Variants in SLC35F3 observed in about 807,000 individuals in gnomAD.
The protein encoded by SLC35F3 is solute carrier family 35 member F3, also known as putative thiamine transporter SLC35F3.
Under a neutral mutation model 49.9 loss-of-function variants are expected in SLC35F3, and 25 were observed. The ratio of observed to expected loss-of-function variants is 0.50; its 90% CI spans 0.37 to 0.70. The LOEUF (loss-of-function observed/expected upper bound fraction) is 0.70, where lower values mean the gene tolerates loss of function less well. SLC35F3 is among the 30% of genes least tolerant of loss of function. The pLI, the probability that SLC35F3 is intolerant of heterozygous loss-of-function variation, is 0.00. For synonymous variants in SLC35F3, 275 were observed against 265.4 expected, an observed-to-expected ratio of 1.04 and a Z score of -0.35; for missense variants, 525 against 639.8, an observed-to-expected ratio of 0.82 and a Z score of 1.94.
rs144389713 is a variant in SLC35F3 at position 233,986,727 on chromosome 1, A to C, written c.283+80969A>C. Among the ~76,000 whole-genome samples the C allele has an allele frequency of 2.4e-3, 363 of 152,258 alleles. 1 individual carries two copies. Among genetic ancestry groups the C allele is most frequent in the African/African-American group, 8.3e-3 (345 of 41,560 alleles). On this transcript the variant is annotated intron_variant, in intron 2 of 7. Transcript: ENST00000366618. The stretch of plus-strand genomic sequence containing the variant: ...TAGCCCATACCCTTCAACAGATGAA[A>C]ATCTCCCCTTGATGGGTTCAACCAT...
chr1:234,092,719 T>C (rs1177578121), intron 2 of SLC35F3, among the ~76,000 whole-genome samples: 1 of 151,750 alleles, frequency 6.6e-6, no homozygotes, highest in Non-Finnish European at 1.5e-5. Flanking sequence ...ATTTAAAAAT[T>C]AGCTGGGCAT....
At chr1:233,911,455 C>T (rs1661871820) in intron 2 of SLC35F3, among the ~76,000 whole-genome samples, 1 of 152,120 alleles carries the variant, frequency 6.6e-6, no homozygotes, top group Non-Finnish European at 1.5e-5. Context: ...TAGAGCACAG[C>T]ATTTTTTATT....
Position 234,231,432 on chromosome 1 carries a change from G to T in SLC35F3, c.299G>T (p.Arg100Leu), listed in dbSNP as rs778779444. ...AASCKREERP[R>L]DSPGPAEAQA... ...TCTTCCCCAGGGGAGGAGCGCCCCC[G>T]GGACTCCCCGGGCCCGGCGGAGGCC... is the stretch of plus-strand genomic sequence containing the variant. The change falls in exon 3 of 8, where the codon CGG (arginine) becomes CTG (leucine). Residue 100 changes from arginine (R) to leucine (L), a missense_variant. By Grantham distance (102) the Arg-to-Leu change is moderately radical (BLOSUM62 -2). This residue lies in a region of SLC35F3 where 228 missense variants were observed against 218.9 expected (regional missense o/e 1.04). Transcript: ENST00000366618. This position sits in a 1 kb window ranked among gnomAD's most constrained non-coding sequence, Gnocchi z 5.4. The T allele has an allele frequency of 2.1e-5, 33 of 1,579,098 alleles. No individual in the cohort carries two copies. In the African/African-American group the frequency reaches 3.9e-4, roughly 19 times the overall value.
intron 3 of SLC35F3, among the ~76,000 whole-genome samples, chr1:234,275,741 T>G (rs1668196918): frequency 1.6e-5 from 2 of 126,164 alleles, no homozygotes; most frequent in African/African-American, 3.1e-5. Context: ...GAAACATCAT[T>G]GGTAAGTATT....
rs140325991 is a variant in SLC35F3 at position 234,169,853 on chromosome 1, C to T, written c.284-61564C>T. 5.9e-3 allele frequency among the ~76,000 whole-genome samples: 905 copies of T among 152,180 alleles called. 13 individuals carry two copies. Among genetic ancestry groups the T allele is most frequent in the African/African-American group, 0.021 (863 of 41,520 alleles). ...TGCGATCTCAGCTCACTGCAAGCTC[C>T]GCCTCCCGGGTTCACGCCATTCTCC... On this transcript the variant is annotated intron_variant, in intron 2 of 7. Transcript: ENST00000366618.
intron 2 of SLC35F3, among the ~76,000 whole-genome samples, chr1:233,939,942 CAAATTATATTA>C (rs1203254407): frequency 5.3e-5 from 8 of 152,128 alleles, no homozygotes; most frequent in African/African-American, 2.4e-5. Context: ...TTCTCCTTGT[CAAATTATATTA>C]AACTTAATAA....
intron 2 of SLC35F3, among the ~76,000 whole-genome samples, chr1:234,130,635 A>C (rs1665721104): frequency 8.1e-6 from 1 of 122,842 alleles, no homozygotes. Flanking sequence ...AGAGAGAGAG[A>C]CTCTGTCAAA....
At chr1:234,235,760 G>T (rs149515607) in intron 3 of SLC35F3, among the ~76,000 whole-genome samples, 4 of 152,302 alleles carry the variant, frequency 2.6e-5, no homozygotes, top group Non-Finnish European at 4.4e-5. Context: ...TTCTGCTTCA[G>T]ATATTCTGAG....
chr1:234,042,874 T>C (rs1435412068), intron 2 of SLC35F3, among the ~76,000 whole-genome samples: 1 of 152,222 alleles, frequency 6.6e-6, no homozygotes, highest in African/African-American at 2.4e-5. Flanking sequence ...CGAGCAGCCG[T>C]CTTCCGCCTT....
At chr1:233,922,486 CT>C (rs35271789) in intron 2 of SLC35F3, among the ~76,000 whole-genome samples, 45,785 of 112,254 alleles carry the variant, frequency 0.41, 7,876 homozygotes, top group Non-Finnish European at 0.49. Flanking sequence ...TTTTGATGGC[CT>C]TTTTTTTTTT....
chr1:234,016,938 T>C (rs1304560166), intron 2 of SLC35F3, among the ~76,000 whole-genome samples: 2 of 151,938 alleles, frequency 1.3e-5, no homozygotes, highest in South Asian at 2.1e-4. Flanking sequence ...GGCTCTGGAG[T>C]CTTCCTGGAT....
chr1:233,973,690 G>C (rs1432043589), intron 2 of SLC35F3, among the ~76,000 whole-genome samples: 3 of 152,186 alleles, frequency 2.0e-5, no homozygotes, highest in African/African-American at 7.2e-5. Context: ...GGGGAAGCAA[G>C]GCAGACACTT....
chr1:233,916,934 T>G (rs1661981629), intron 2 of SLC35F3, among the ~76,000 whole-genome samples: 1 of 145,178 alleles, frequency 6.9e-6, no homozygotes, highest in African/African-American at 2.5e-5. Context: ...TGAATGTAAA[T>G]TCATTTATTT....
At position 234,007,118 on chromosome 1, in the gene SLC35F3, G is replaced by C. The variant is rs561373996; in HGVS notation, c.283+101360G>C. Among the ~76,000 whole-genome samples, 77 of 152,190 alleles carry C rather than the reference G, an allele frequency of 5.1e-4. 2 individuals carry two copies. The highest frequency in any genetic ancestry group is 1.8e-3 in the African/African-American group (73 of 41,512). ...AATATTAATAAATAACAGATGGTGG[G>C]CTGGATTTGGCTCAAGGCTGTAGTT... is the stretch of plus-strand genomic sequence containing the variant. On this transcript the variant is annotated intron_variant, in intron 2 of 7. Coordinates refer to ENST00000366618, the MANE Select transcript of SLC35F3 (RefSeq NM_173508.4).
intron 2 of SLC35F3, among the ~76,000 whole-genome samples, chr1:234,143,375 G>A (rs1027849614): frequency 1.5e-4 from 22 of 147,322 alleles, no homozygotes; most frequent in African/African-American, 5.6e-4. Flanking sequence ...TGCAATCTCC[G>A]CCTTCCAGGT....
chr1:234,129,808 A>G (rs918455162), intron 2 of SLC35F3, among the ~76,000 whole-genome samples: 5 of 152,240 alleles, frequency 3.3e-5, no homozygotes, highest in African/African-American at 7.2e-5. Context: ...ATACAATGCA[A>G]TACGGAAAGA....
intron 2 of SLC35F3, among the ~76,000 whole-genome samples, chr1:234,049,123 T>C (rs1290874195): frequency 6.6e-6 from 1 of 152,194 alleles, no homozygotes; most frequent in East Asian, 1.9e-4. Context: ...GTTAAGACTT[T>C]GGAGGTTGTT....
intron 4 of SLC35F3, among the ~76,000 whole-genome samples, chr1:234,315,505 C>T (rs113525123): frequency 1.1e-4 from 16 of 152,238 alleles, no homozygotes; most frequent in African/African-American, 3.6e-4. Context: ...TGGGTTTGGG[C>T]AAGTTACTTA....
At chr1:234,196,035 T>C (rs756116925) in intron 2 of SLC35F3, among the ~76,000 whole-genome samples, 1 of 152,128 alleles carries the variant, frequency 6.6e-6, no homozygotes, top group African/African-American at 2.4e-5. Context: ...TTATCAGCAG[T>C]GTGGAAATGG....
Sources: gnomAD v4.1 joint callset for allele counts (sites outside exome capture counted in the v4.1 genomes callset) on GRCh38, gnomAD v4.1.1 for gene constraint, gnomAD v4.1.1 regional missense constraint, Gnocchi (gnomAD v3.1) non-coding constraint, MANE v1.5 for transcripts, NCBI Gene and HGNC (gene_info 2026-07-23, HGNC 2026-07-21) for gene names.